Variants in NAE1 observed in about 807,000 individuals in gnomAD.
NAE1 encodes NEDD8-activating enzyme E1 regulatory subunit.
In NAE1, 59 loss-of-function variants were observed where a neutral mutation model predicts 88.0. The observed-to-expected ratio is 0.67, with a 90% CI of 0.54 to 0.83. The LOEUF is 0.83. Among genes scored for constraint, NAE1 ranks in the 40% least tolerant of loss-of-function variants. The pLI is 0.00. For synonymous variants in NAE1, 186 were observed against 208.9 expected, an observed-to-expected ratio of 0.89 and a Z score of 0.95; for missense variants, 554 against 632.8, an observed-to-expected ratio of 0.88 and a Z score of 1.34.
At chr16:66,826,433 A>C (rs1960466152) in intron 3 of NAE1, 90 bp downstream of exon 3, 5 of 1,198,872 alleles carry the variant, frequency 4.2e-6, no homozygotes, top group Non-Finnish European at 6.1e-6. Context: ...ATTTCCACTG[A>C]GAGTCGAGTC....
chr16:66,817,543 C>T, intron 8 of NAE1, 56 bp from the exon 9 acceptor site: 2 of 1,207,184 alleles, frequency 1.7e-6, no homozygotes, highest in South Asian at 1.5e-5. Flanking sequence ...CTTCACTGTA[C>T]CATCTCGTTT....
At chr16:66,818,402 G>A (rs1473935703) in intron 8 of NAE1, 126 bp downstream of exon 8, 1 of 693,254 alleles carries the variant, frequency 1.4e-6, no homozygotes, top group Non-Finnish European at 2.3e-6. Context: ...TACTGTTATT[G>A]GGTAATCGGG....
chr16:66,812,843 G>C (rs12598350), intron 13 of NAE1, among the ~76,000 whole-genome samples: 44,475 of 131,986 alleles, frequency 0.34, 8,176 homozygotes, highest in East Asian at 0.62. Flanking sequence ...TTTTTTTTGA[G>C]ACAGAGTCTC....
chr16:66,816,742 T>C (rs1442146163), intron 10 of NAE1, 70 bp from the exon 11 acceptor site: 164 of 1,341,784 alleles, frequency 1.2e-4, no homozygotes, highest in Non-Finnish European at 1.7e-4. Context: ...ATTATAAAAA[T>C]AACCTTGTCA....
At chr16:66,819,853 T>C (rs181890926) in intron 7 of NAE1, among the ~76,000 whole-genome samples, 41 of 152,338 alleles carry the variant, frequency 2.7e-4, no homozygotes, top group Middle Eastern at 3.4e-3. Flanking sequence ...CCTTCATTAT[T>C]ATCTACCCTC....
intron 13 of NAE1, among the ~76,000 whole-genome samples, chr16:66,812,921 C>T (rs1481137345): frequency 6.6e-6 from 1 of 151,226 alleles, no homozygotes; most frequent in East Asian, 1.9e-4. Context: ...CTCCCGGGTT[C>T]ACGCTATTCT....
At position 66,824,859 on chromosome 16, in the gene NAE1, C is replaced by G; in HGVS notation, c.245G>C (p.Gly82Ala). Reference sequence around the variant, plus strand: ...CTATATTCTCTAATTGTTTACCTTGCCGATACTGCTTCTTTGAAGGAAGAA... The same window carrying G: ...CTATATTCTCTAATTGTTTACCTTGGCGATACTGCTTCTTTGAAGGAAGAA... ...NNFFLQRSSI[G>A]KNRAEAAMEF... The change falls in exon 4 of 20, where the codon GGC (glycine) becomes GCC (alanine). Residue 82 changes from glycine to alanine, a missense_variant. Physicochemically the swap from Gly to Ala is moderately conservative, Grantham distance 60 (BLOSUM62 0). Coordinates refer to ENST00000290810, the MANE Select transcript of NAE1 (RefSeq NM_003905.4). The G allele has an allele frequency of 6.2e-7, 1 of 1,609,274 alleles. No individual in the cohort carries two copies. The highest frequency in any genetic ancestry group is 8.5e-7 in the Non-Finnish European group (1 of 1,177,162).
At chr16:66,816,141 G>T (rs1401564257) in intron 11 of NAE1, among the ~76,000 whole-genome samples, 3 of 152,004 alleles carry the variant, frequency 2.0e-5, no homozygotes, top group Non-Finnish European at 4.4e-5. Flanking sequence ...AACTTCAATG[G>T]TCAGACCTCA....
At chr16:66,826,927 T>A in intron 1 of NAE1, 147 bp from the exon 2 acceptor site, 1 of 705,014 alleles carries the variant, frequency 1.4e-6, no homozygotes, top group South Asian at 2.0e-5. Flanking sequence ...ATTAGTATAG[T>A]GATTATACAG....
chr16:66,818,757 A>C (rs1960149309), intron 7 of NAE1, 120 bp from the exon 8 acceptor site: 1 of 1,328,506 alleles, frequency 7.5e-7, no homozygotes, highest in Non-Finnish European at 9.8e-7. Context: ...TCACTGCTGA[A>C]ACTCCTGGGC....
At position 66,802,945 on chromosome 16, in the gene NAE1, A is replaced by C; in HGVS notation, c.*64T>G. The C allele has an allele frequency of 9.9e-7, 1 of 1,007,682 alleles. No homozygotes were observed. The highest frequency in any genetic ancestry group is 1.3e-5 in the South Asian group (1 of 74,786). The allele number at this position is 1,007,682 out of a possible 1,614,324, so 62.4% of individuals were successfully genotyped here. ...CTCTCCTTTAGAATTTTACAGACTA[A>C]AGCACAACCCGAAGGCAATTACAGT... On this transcript the variant is annotated 3_prime_UTR_variant, in exon 20 of 20. Transcript: ENST00000290810.
chr16:66,818,925 A>G (rs1057459435), intron 7 of NAE1, among the ~76,000 whole-genome samples: 4 of 152,168 alleles, frequency 2.6e-5, no homozygotes, highest in Admixed American at 2.0e-4. Context: ...CGGCCTCCCA[A>G]AGTCCTTGCA....
intron 6 of NAE1, 128 bp from the exon 7 acceptor site, chr16:66,821,687 C>A: frequency 1.4e-6 from 1 of 722,710 alleles, no homozygotes; most frequent in Admixed American, 3.7e-5. Context: ...AGGTACATAA[C>A]TGCATTTACA....
intron 1 of NAE1, 113 bp downstream of exon 1, chr16:66,830,734 C>CGGCTCGGTG: frequency 9.4e-7 from 1 of 1,061,672 alleles, no homozygotes; most frequent in Non-Finnish European, 1.3e-6. Flanking sequence ...CGGCCCGGCC[C>CGGCTCGGTG]AGCCTGGAAG....
intron 13 of NAE1, among the ~76,000 whole-genome samples, chr16:66,812,614 T>C (rs1349956303): frequency 6.8e-6 from 1 of 147,334 alleles, no homozygotes; most frequent in Non-Finnish European, 1.5e-5. Flanking sequence ...GTCTCCTGGG[T>C]TCAAGCGATT....
At chr16:66,821,688 T>C in intron 6 of NAE1, 129 bp from the exon 7 acceptor site, 2 of 696,674 alleles carry the variant, frequency 2.9e-6, no homozygotes, top group Non-Finnish European at 2.2e-6. Context: ...GGTACATAAC[T>C]GCATTTACAT....
chr16:66,823,078 A>T (rs1187509030), intron 6 of NAE1, 149 bp downstream of exon 6: 5 of 234,240 alleles, frequency 2.1e-5, no homozygotes, highest in Non-Finnish European at 3.1e-5. Flanking sequence ...CTCAAGCTCA[A>T]AAAAAAAAAA....
chr16:66,830,811 G>A (rs189503586), intron 1 of NAE1, 36 bp downstream of exon 1: 3 of 1,506,212 alleles, frequency 2.0e-6, no homozygotes, highest in Non-Finnish European at 2.6e-6. Flanking sequence ...TGGAAAGCCC[G>A]CCGGCCCGCC....
Position 66,802,930 on chromosome 16 carries a change from G to T in NAE1, c.*79C>A. On this transcript the variant is annotated 3_prime_UTR_variant, in exon 20 of 20. Transcript: ENST00000290810. ...AAAACAATTTAGCAGCTCTCCTTTA[G>T]AATTTTACAGACTAAAGCACAACCC... The T allele has an allele frequency of 1.2e-6, 1 of 862,358 alleles. No homozygotes were observed. Among genetic ancestry groups the T allele is most frequent in the Non-Finnish European group, 1.9e-6 (1 of 523,032 alleles). 53.4% of individuals were successfully genotyped at this position (862,358 alleles called of 1,614,324 possible).
Sources: allele counts gnomAD v4.1 joint callset (sites outside exome capture counted in the v4.1 genomes callset), GRCh38; gene constraint gnomAD v4.1.1; transcripts MANE v1.5; gene names NCBI Gene and HGNC (gene_info 2026-07-23, HGNC 2026-07-21).